The following CNTNAP2 variants were observed in gnomAD, a reference collection of about 807,000 sequenced individuals.
CNTNAP2 encodes the protein contactin-associated protein-like 2.
A neutral mutation model predicts 155.2 loss-of-function variants in CNTNAP2; 98 were observed. That is an observed-to-expected ratio of 0.63 (90% CI 0.54 to 0.75). The LOEUF is 0.75. Among genes scored for constraint, CNTNAP2 ranks in the 30% least tolerant of loss-of-function variants. The pLI, the probability that CNTNAP2 is intolerant of heterozygous loss-of-function variation, is 0.00. For synonymous variants in CNTNAP2, 651 were observed against 631.2 expected, an observed-to-expected ratio of 1.03 and a Z score of -0.47; for missense variants, 1,727 against 1,688.1, an observed-to-expected ratio of 1.02 and a Z score of -0.40.
chr7:147,829,225 G>C (rs980839577), intron 13 of CNTNAP2, among the ~76,000 whole-genome samples: 1 of 152,148 alleles, frequency 6.6e-6, no homozygotes, highest in Non-Finnish European at 1.5e-5. Context: ...GAACAGATGG[G>C]GTTGAGCAGC....
intron 1 of CNTNAP2, among the ~76,000 whole-genome samples, chr7:146,313,754 T>C (rs1211845264): frequency 6.6e-6 from 1 of 152,094 alleles, no homozygotes; most frequent in African/African-American, 2.4e-5. Flanking sequence ...ATCCCAGCAT[T>C]GTGGGAGGCA....
At chr7:148,131,087 C>CTTTTTTTTTTTTTTTTTTTTTTTTTT (rs755587892) in intron 16 of CNTNAP2, among the ~76,000 whole-genome samples, 2 of 97,180 alleles carry the variant, frequency 2.1e-5, no homozygotes, top group Non-Finnish European at 4.1e-5. Context: ...TTTTCTTCTT[C>CTTTTTTTTTTTTTTTTTTTTTTTTTT]TTTTTTTTTT....
chr7:147,315,375 A>G (rs1795206570), intron 9 of CNTNAP2, among the ~76,000 whole-genome samples: 1 of 150,818 alleles, frequency 6.6e-6, no homozygotes, highest in Non-Finnish European at 1.5e-5. Flanking sequence ...CCCCAAAACT[A>G]TTAGAAATCA....
intron 1 of CNTNAP2, among the ~76,000 whole-genome samples, chr7:146,226,343 T>C (rs1799292395): frequency 6.6e-6 from 1 of 152,140 alleles, no homozygotes; most frequent in Admixed American, 6.6e-5. Flanking sequence ...GGCACTTCAT[T>C]ACATCTGCAA....
At chr7:147,601,015 A>AT (rs1053554814) in intron 12 of CNTNAP2, among the ~76,000 whole-genome samples, 1 of 152,152 alleles carries the variant, frequency 6.6e-6, no homozygotes, top group Non-Finnish European at 1.5e-5. Flanking sequence ...AGAAATGTAG[A>AT]TTTTTTCTCT....
intron 1 of CNTNAP2, among the ~76,000 whole-genome samples, chr7:146,133,955 G>T (rs1250534881): frequency 5.3e-5 from 8 of 150,630 alleles, no homozygotes; most frequent in East Asian, 4.0e-4. Flanking sequence ...GTGAAGAAAG[G>T]CATTGGTAGC....
At chr7:148,346,547 G>A (rs6947989) in intron 21 of CNTNAP2, among the ~76,000 whole-genome samples, 54,921 of 151,754 alleles carry the variant, frequency 0.36, 10,611 homozygotes, top group East Asian at 0.78. Flanking sequence ...CAAGGCAGGC[G>A]GATCACCTGA....
intron 8 of CNTNAP2, among the ~76,000 whole-genome samples, chr7:147,153,954 T>G (rs1801874987): frequency 1.3e-5 from 2 of 152,198 alleles, no homozygotes; most frequent in Middle Eastern, 6.8e-3. Context: ...TGAAGGCAAT[T>G]TCCTGATGGA....
chr7:146,174,469 C>T (rs1457788767), intron 1 of CNTNAP2, among the ~76,000 whole-genome samples: 1 of 152,080 alleles, frequency 6.6e-6, no homozygotes, highest in African/African-American at 2.4e-5. Flanking sequence ...GATCCGCCCA[C>T]CTCGGCCTCC....
chr7:147,908,164 G>A (rs60097343), intron 14 of CNTNAP2, among the ~76,000 whole-genome samples: 6,433 of 152,266 alleles, frequency 0.042, 198 homozygotes, highest in Non-Finnish European at 0.062. Flanking sequence ...TTGACCTGCT[G>A]TGTCGTAGGC....
chr7:146,448,065 C>T (rs1796427189), intron 1 of CNTNAP2, among the ~76,000 whole-genome samples: 1 of 151,848 alleles, frequency 6.6e-6, no homozygotes, highest in African/African-American at 2.4e-5. Context: ...TCACAAGATT[C>T]CCATGAAGTA....
chr7:146,807,639 C>G (rs943219377), intron 2 of CNTNAP2, among the ~76,000 whole-genome samples: 1 of 152,008 alleles, frequency 6.6e-6, no homozygotes, highest in African/African-American at 2.4e-5. Flanking sequence ...CGCTTTGGAA[C>G]CAGCTGAGCC....
chr7:147,467,568 G>A (rs3915305), intron 10 of CNTNAP2, among the ~76,000 whole-genome samples: 121,557 of 152,144 alleles, frequency 0.8, 49,200 homozygotes, highest in African/African-American at 0.94. Context: ...AAGGTCACCT[G>A]TTGCGTACAA....
At chr7:146,511,026 A>T (rs1797457878) in intron 1 of CNTNAP2, among the ~76,000 whole-genome samples, 1 of 152,052 alleles carries the variant, frequency 6.6e-6, no homozygotes. Context: ...CCTCCTGAGT[A>T]GCTGGGACCA....
At position 146,873,937 on chromosome 7, in the gene CNTNAP2, T is replaced by C. The variant is rs1360918839; in HGVS notation, c.402+34033T>C. On this transcript the variant is annotated intron_variant, in intron 3 of 23. Coordinates refer to ENST00000361727, the MANE Select transcript of CNTNAP2 (RefSeq NM_014141.6). ...TTATATATTTTCTTCCAAGAAAATA[T>C]AGCTTATATTATACCTACAAGAGTT... Among the ~76,000 whole-genome samples, 3 of 152,172 alleles carry C rather than the reference T, an allele frequency of 2.0e-5. No individual in the cohort carries two copies. In the East Asian group the frequency reaches 5.8e-4, roughly 29 times the overall value.
At chr7:146,420,807 C>T (rs1369065214) in intron 1 of CNTNAP2, among the ~76,000 whole-genome samples, 2 of 151,984 alleles carry the variant, frequency 1.3e-5, no homozygotes, top group African/African-American at 2.4e-5. Context: ...GGAATTGTAA[C>T]ATTTTCATTG....
intron 13 of CNTNAP2, among the ~76,000 whole-genome samples, chr7:147,826,640 G>A (rs1039938854): frequency 6.6e-6 from 1 of 152,066 alleles, no homozygotes; most frequent in African/African-American, 2.4e-5. Context: ...TTTTATCAGA[G>A]ATATCAAAGA....
At chr7:147,727,336 T>C (rs1796662409) in intron 13 of CNTNAP2, among the ~76,000 whole-genome samples, 1 of 151,982 alleles carries the variant, frequency 6.6e-6, no homozygotes, top group Non-Finnish European at 1.5e-5. Context: ...CTAGTTTAGG[T>C]ACCAGGTAAA....
chr7:147,930,091 G>A (rs1244303278), intron 14 of CNTNAP2, among the ~76,000 whole-genome samples: 1 of 151,952 alleles, frequency 6.6e-6, no homozygotes, highest in Non-Finnish European at 1.5e-5. Flanking sequence ...TAGCCTGGGA[G>A]TTGGGAACCC....
Sources: gnomAD v4.1 joint callset for allele counts (sites outside exome capture counted in the v4.1 genomes callset) on GRCh38, gnomAD v4.1.1 for gene constraint, MANE v1.5 for transcripts, NCBI Gene and HGNC (gene_info 2026-07-23, HGNC 2026-07-21) for gene names.